Variants in DOK6 observed in about 807,000 individuals in gnomAD.
DOK6 encodes downstream of tyrosine kinase 6.
A neutral mutation model predicts 44.0 loss-of-function variants in DOK6; 22 were observed. The ratio of observed to expected loss-of-function variants is 0.50; its 90% CI spans 0.36 to 0.71. DOK6 has a LOEUF of 0.71. Ranked by LOEUF, DOK6 falls within the 30% of genes least tolerant of loss-of-function variation. DOK6 has a pLI of 0.00. For synonymous variants in DOK6, 166 were observed against 145.5 expected (o/e 1.14, Z -1.01); for missense variants, 340 against 416.4 (o/e 0.82, Z 1.60).
At chr18:69,774,139 T>TATAGATATATATATGAG (rs1568122496) in intron 7 of DOK6, among the ~76,000 whole-genome samples, 11 of 119,860 alleles carry the variant, frequency 9.2e-5, no homozygotes, top group African/African-American at 2.5e-4. Flanking sequence ...ATGAGATATA[T>TATAGATATATATATGAG]ATATATATAT....
At chr18:69,430,282 A>C (rs1488447662) in intron 1 of DOK6, among the ~76,000 whole-genome samples, 1 of 152,194 alleles carries the variant, frequency 6.6e-6, no homozygotes, top group Non-Finnish European at 1.5e-5. Flanking sequence ...CTAAGCATTC[A>C]GAAAGGGACT....
intron 1 of DOK6, among the ~76,000 whole-genome samples, chr18:69,490,255 C>T (rs1980699193): frequency 6.6e-6 from 1 of 152,160 alleles, no homozygotes; most frequent in African/African-American, 2.4e-5. Context: ...CATTAGACAG[C>T]AGTCACAGCT....
At chr18:69,732,567 G>A (rs952600167) in intron 5 of DOK6, among the ~76,000 whole-genome samples, 10 of 152,038 alleles carry the variant, frequency 6.6e-5, no homozygotes, top group Non-Finnish European at 1.0e-4. Context: ...TCAACTAGTC[G>A]TCTTATTGAG....
intron 3 of DOK6, among the ~76,000 whole-genome samples, chr18:69,618,250 C>T (rs1036173906): frequency 5.9e-5 from 9 of 152,128 alleles, no homozygotes; most frequent in South Asian, 4.1e-4. Context: ...ATCATTTTTA[C>T]GTCAGTCCTA....
At chr18:69,740,995 C>T (rs1187618786) in intron 6 of DOK6, among the ~76,000 whole-genome samples, 1 of 152,120 alleles carries the variant, frequency 6.6e-6, no homozygotes, top group Non-Finnish European at 1.5e-5. Flanking sequence ...CACTGAGAAG[C>T]AAGTCAAAGG....
chr18:69,411,076 A>G (rs1029416537), intron 1 of DOK6, among the ~76,000 whole-genome samples: 1 of 152,104 alleles, frequency 6.6e-6, no homozygotes, highest in African/African-American at 2.4e-5. Flanking sequence ...TATAGCACAT[A>G]CCTCTCGAGT....
chr18:69,802,972 C>CCTT (rs1412021722), intron 7 of DOK6, among the ~76,000 whole-genome samples: 2 of 151,968 alleles, frequency 1.3e-5, no homozygotes, highest in Non-Finnish European at 2.9e-5. Flanking sequence ...GAAACTATCT[C>CCTT]CTTTAGCTCT....
intron 5 of DOK6, among the ~76,000 whole-genome samples, chr18:69,699,293 T>C (rs1294087204): frequency 6.6e-6 from 1 of 152,214 alleles, no homozygotes; most frequent in Non-Finnish European, 1.5e-5. Context: ...TATCACATTC[T>C]TAAAATGAAT....
intron 1 of DOK6, among the ~76,000 whole-genome samples, chr18:69,544,815 C>T (rs1227795688): frequency 6.6e-6 from 1 of 151,342 alleles, no homozygotes; most frequent in East Asian, 1.9e-4. Context: ...TATATAGAGG[C>T]AAAAATATTT....
intron 1 of DOK6, among the ~76,000 whole-genome samples, chr18:69,512,092 AC>A (rs199809049): frequency 1.2e-4 from 12 of 102,924 alleles, no homozygotes; most frequent in African/African-American, 4.5e-4. Context: ...CCCCACACGC[AC>A]CCCCCCACAC....
intron 7 of DOK6, among the ~76,000 whole-genome samples, chr18:69,826,594 A>G (rs752594946): frequency 6.6e-6 from 1 of 152,124 alleles, no homozygotes; most frequent in Non-Finnish European, 1.5e-5. Context: ...TCTTTCTCCT[A>G]CAATCTTGAC....
intron 2 of DOK6, among the ~76,000 whole-genome samples, chr18:69,572,017 T>C (rs1983126043): frequency 6.6e-6 from 1 of 152,146 alleles, no homozygotes. Context: ...AAAAATATTG[T>C]GTTCTTTGAC....
chr18:69,611,303 C>A (rs931712157), intron 3 of DOK6, among the ~76,000 whole-genome samples: 1 of 152,098 alleles, frequency 6.6e-6, no homozygotes, highest in Non-Finnish European at 1.5e-5. Context: ...ATTAGCCACA[C>A]CACCAAGTGC....
In DOK6 at chr18:69,811,986, G is replaced by A. The variant is rs191513658; in HGVS notation, c.857-29258G>A. Among the ~76,000 whole-genome samples the A allele has an allele frequency of 1.1e-3, 168 of 152,214 alleles. 1 individual carries two copies. The highest frequency in any genetic ancestry group is 6.8e-3 in the Middle Eastern group (2 of 294). Reference sequence around the variant, plus strand: ...GCCTTCATGGAGATATATTTGCAAAGAGGAGGCAGGCAACAAACAAAAACT... The same window carrying A: ...GCCTTCATGGAGATATATTTGCAAAAAGGAGGCAGGCAACAAACAAAAACT... On this transcript the variant is annotated intron_variant, in intron 7 of 7. Coordinates refer to ENST00000382713, the MANE Select transcript of DOK6 (RefSeq NM_152721.6).
At chr18:69,422,199 C>G (rs1414514214) in intron 1 of DOK6, among the ~76,000 whole-genome samples, 6 of 152,256 alleles carry the variant, frequency 3.9e-5, no homozygotes. Flanking sequence ...CCTCCTCATG[C>G]CCTCTCTCCA....
At chr18:69,591,244 A>T (rs949686879) in intron 2 of DOK6, among the ~76,000 whole-genome samples, 3 of 152,142 alleles carry the variant, frequency 2.0e-5, no homozygotes, top group African/African-American at 7.2e-5. Context: ...TGACAAAATA[A>T]ATAGAACTCA....
intron 1 of DOK6, among the ~76,000 whole-genome samples, chr18:69,422,248 T>C (rs1978513968): frequency 2.0e-5 from 3 of 152,186 alleles, no homozygotes; most frequent in Admixed American, 6.5e-5. Flanking sequence ...AAAAATCTTA[T>C]CCTCTTTCCC....
At chr18:69,574,016 G>C (rs12456662) in intron 2 of DOK6, among the ~76,000 whole-genome samples, 60,423 of 151,798 alleles carry the variant, frequency 0.4, 13,680 homozygotes, top group South Asian at 0.5. Flanking sequence ...TCCATCTCTA[G>C]AAGTTGTTGC....
chr18:69,431,880 T>C (rs1191819226), intron 1 of DOK6, among the ~76,000 whole-genome samples: 1 of 152,196 alleles, frequency 6.6e-6, no homozygotes, highest in Non-Finnish European at 1.5e-5. Flanking sequence ...TACATACCCT[T>C]CATCTGGCAT....
Sources: allele counts gnomAD v4.1 joint callset (sites outside exome capture counted in the v4.1 genomes callset), GRCh38; gene constraint gnomAD v4.1.1; transcripts MANE v1.5; gene names NCBI Gene and HGNC (gene_info 2026-07-23, HGNC 2026-07-21).